The following PCDHGA7 variants were observed in gnomAD, a reference collection of about 807,000 sequenced individuals.
The protein encoded by PCDHGA7 is protocadherin gamma-A7.
A neutral mutation model predicts 58.3 loss-of-function variants in PCDHGA7; 44 were observed. That is an observed-to-expected ratio of 0.75 (90% CI 0.59 to 0.97). The LOEUF (loss-of-function observed/expected upper bound fraction) is 0.97. Ranked by LOEUF, PCDHGA7 falls within the 50% of genes least tolerant of loss-of-function variation. The pLI is 0.00. For synonymous variants in PCDHGA7, 516 were observed against 504.2 expected (o/e 1.02, Z -0.31); for missense variants, 1,266 against 1,188.7 (o/e 1.06, Z -0.96).
intron 1 of PCDHGA7, chr5:141,414,424 G>C (rs762669763): frequency 1.2e-6 from 2 of 1,613,846 alleles, no homozygotes; most frequent in Non-Finnish European, 1.7e-6. Context: ...CCTTGACAGG[G>C]AACAGGTATC....
intron 1 of PCDHGA7, chr5:141,422,145 G>A: frequency 1.3e-6 from 2 of 1,580,726 alleles, no homozygotes; most frequent in Non-Finnish European, 8.6e-7. Context: ...AAGTACGGGG[G>A]TCTCTGGATT....
Position 141,505,499 on chromosome 5 carries a change from G to T in PCDHGA7, c.2572+18G>T, listed in dbSNP as rs753203943. 4.3e-6 allele frequency: 7 copies of T among 1,614,172 alleles called. No individual in the cohort carries two copies. The South Asian group carries it at 7.7e-5, about 18-fold the overall frequency. ...CGCCAGTGGTAAGTGGTGTCAGTGTGTGTATGGAAGAGTGGGAGACCTGGG... is the reference window on the plus strand; with the variant it reads ...CGCCAGTGGTAAGTGGTGTCAGTGTTTGTATGGAAGAGTGGGAGACCTGGG... On this transcript the variant is annotated intron_variant, in intron 3 of 3. Coordinates refer to ENST00000518325, the MANE Select transcript of PCDHGA7 (RefSeq NM_018920.4).
At chr5:141,440,106 T>A (rs1288263875) in intron 1 of PCDHGA7, 1 of 152,228 alleles carries the variant, frequency 6.6e-6, no homozygotes, top group East Asian at 1.9e-4. Flanking sequence ...AGTGGAGACT[T>A]ACTTGTGAAT....
Position 141,491,819 on chromosome 5 carries a change from G to C in PCDHGA7, c.2425-2988G>C. The C allele has an allele frequency of 6.7e-7, 1 of 1,482,028 alleles. No individual in the cohort carries two copies. Among genetic ancestry groups the C allele is most frequent in the Non-Finnish European group, 9.0e-7 (1 of 1,116,648 alleles). The allele number at this position is 1,482,028 out of a possible 1,614,324, so 91.8% of individuals were successfully genotyped here. A position where few individuals can be genotyped will look rare whatever the true frequency, so the allele number is the denominator to read the frequency against. On this transcript the variant is annotated intron_variant, in intron 1 of 3. Transcript: ENST00000518325. This position sits in a 1 kb window ranked among gnomAD's most constrained non-coding sequence, Gnocchi z 6.9. ...TCCGGCCGGCTTGGTCGCTGGCTGCGCTCCACCCGATTCTCGGGATCATTG... is the reference window on the plus strand; with the variant it reads ...TCCGGCCGGCTTGGTCGCTGGCTGCCCTCCACCCGATTCTCGGGATCATTG...
chr5:141,453,214 A>T (rs1174586625), intron 1 of PCDHGA7, among the ~76,000 whole-genome samples: 2 of 152,058 alleles, frequency 1.3e-5, no homozygotes, highest in African/African-American at 4.8e-5. Flanking sequence ...CGTGCACTTA[A>T]GCGATCCTCC....
rs2099883775 is a variant in PCDHGA7 at position 141,511,415 on chromosome 5, A to G, written c.*242A>G. On this transcript the variant is annotated 3_prime_UTR_variant, in exon 4 of 4. Transcript: ENST00000518325. ...CCCCATCCAATCAACTGCTGTACCC[A>G]TGGGGGTAGTGGGGTTACTGTAGAC... 1.2e-6 allele frequency: 1 copy of G among 868,992 alleles called. No individual in the cohort carries two copies. The highest frequency in any genetic ancestry group is 2.9e-5 in the East Asian group (1 of 34,592). The allele number at this position is 868,992 out of a possible 1,614,324, so 53.8% of individuals were successfully genotyped here.
At position 141,499,506 on chromosome 5, in the gene PCDHGA7, CA is replaced by C. The variant is rs759983739; in HGVS notation, c.2483+4644del. Among the ~76,000 whole-genome samples, 6 of 152,086 alleles carry C rather than the reference CA, an allele frequency of 3.9e-5. No homozygotes were observed. The South Asian group carries it at 1.0e-3, about 26-fold the overall frequency. On this transcript the variant is annotated intron_variant, in intron 2 of 3. Coordinates refer to ENST00000518325, the MANE Select transcript of PCDHGA7 (RefSeq NM_018920.4). Reference sequence around the variant, plus strand: ...AACTACAGTTTAATATGAAACATTTCAAATATGTACAAAAGTAGAGAGAATG... The same window carrying C: ...AACTACAGTTTAATATGAAACATTTCAATATGTACAAAAGTAGAGAGAATG...
chr5:141,384,810 C>G lies in PCDHGA7; in HGVS notation c.1911C>G (p.Ala637=). The change falls in exon 1 of 4, where the codon GCC becomes GCG. Residue 637 remains alanine, a synonymous_variant. Transcript: ENST00000518325. ...CTCGGGCCCTGCTGGACAGAGATGC[C>G]CTCAAGCAGAGCCTCGTGGTGGCCG... ...RTARALLDRD[A]LKQSLVVAVQ... is the part of the protein sequence containing the mutation. 6.2e-7 allele frequency: 1 copy of G among 1,613,420 alleles called. No individual in the cohort carries two copies. Among genetic ancestry groups the G allele is most frequent in the Non-Finnish European group, 8.5e-7 (1 of 1,179,892 alleles).
intron 1 of PCDHGA7, chr5:141,393,901 G>T: frequency 6.2e-7 from 1 of 1,613,894 alleles, no homozygotes; most frequent in Non-Finnish European, 8.5e-7. Context: ...TCTCTTCCCG[G>T]GACAGTAATT....
chr5:141,394,362 C>T, intron 1 of PCDHGA7: 1 of 1,614,174 alleles, frequency 6.2e-7, no homozygotes, highest in Non-Finnish European at 8.5e-7. Flanking sequence ...CCTGTATGCG[C>T]TGCAATCTTT....
intron 1 of PCDHGA7, chr5:141,410,537 A>G (rs772317770): frequency 1.1e-5 from 17 of 1,613,760 alleles, no homozygotes; most frequent in African/African-American, 1.3e-5. Flanking sequence ...CAATGAAGAC[A>G]TGGTTTGCAG....
chr5:141,410,485 A>G, intron 1 of PCDHGA7: 3 of 1,614,016 alleles, frequency 1.9e-6, no homozygotes, highest in Non-Finnish European at 1.7e-6. Flanking sequence ...ATACGGGTAC[A>G]AAAGAGTTTA....
At chr5:141,404,192 A>G in intron 1 of PCDHGA7, 1 of 1,613,574 alleles carries the variant, frequency 6.2e-7, no homozygotes. Flanking sequence ...TGACCGAGAA[A>G]AAGCCTCAGA....
intron 1 of PCDHGA7, chr5:141,403,943 A>T: frequency 6.2e-7 from 1 of 1,613,934 alleles, no homozygotes; most frequent in Non-Finnish European, 8.5e-7. Context: ...GAAAGGGTGG[A>T]CAAAAGTGCT....
In PCDHGA7 at chr5:141,486,705, A is replaced by T. The variant is rs2099633722; in HGVS notation, c.2425-8102A>T. On this transcript the variant is annotated intron_variant, in intron 1 of 3. Transcript: ENST00000518325. This position sits in a 1 kb window ranked among gnomAD's most constrained non-coding sequence, Gnocchi z 5.0. ...TCAGCTTCCTCTTTCATCTCTCTGA[A>T]CCCCCAGACAGGAGCTGTTCATGCT... The T allele has an allele frequency of 6.2e-7, 1 of 1,613,844 alleles. No individual in the cohort carries two copies. The highest frequency in any genetic ancestry group is 1.3e-5 in the African/African-American group (1 of 74,910).
At chr5:141,411,319 C>T (rs532552346) in intron 1 of PCDHGA7, 1 of 152,262 alleles carries the variant, frequency 6.6e-6, no homozygotes, top group South Asian at 2.1e-4. Flanking sequence ...CCTATAATCA[C>T]AGCACTTTGA....
Position 141,477,952 on chromosome 5 carries a change from A to T in PCDHGA7, c.2425-16855A>T, listed in dbSNP as rs907708638. ...CCTGGCTCTCCTACAGTCTCTTGGG[A>T]TCCCCTAACCAGAGCCTTTTTGCCA... On this transcript the variant is annotated intron_variant, in intron 1 of 3. Coordinates refer to ENST00000518325, the MANE Select transcript of PCDHGA7 (RefSeq NM_018920.4). This position sits in a 1 kb window ranked among gnomAD's most constrained non-coding sequence, Gnocchi z 4.9. The T allele has an allele frequency of 1.9e-6, 3 of 1,613,920 alleles. No individual in the cohort carries two copies. The African/African-American group carries it at 4.0e-5, about 22-fold the overall frequency.
At chr5:141,502,356 G>C (rs1443285213) in intron 2 of PCDHGA7, among the ~76,000 whole-genome samples, 4 of 151,838 alleles carry the variant, frequency 2.6e-5, no homozygotes. Flanking sequence ...TAATGACATG[G>C]ATATTTTTAA....
chr5:141,390,464 T>C (rs2092153361), intron 1 of PCDHGA7: 3 of 718,912 alleles, frequency 4.2e-6, no homozygotes, highest in Admixed American at 3.0e-5. Flanking sequence ...GTAGGAGCAA[T>C]TGTGTGGCCC....
Sources: gnomAD v4.1 joint callset for allele counts (sites outside exome capture counted in the v4.1 genomes callset) on GRCh38, gnomAD v4.1.1 for gene constraint, Gnocchi (gnomAD v3.1) non-coding constraint, MANE v1.5 for transcripts, NCBI Gene and HGNC (gene_info 2026-07-23, HGNC 2026-07-21) for gene names.